The following TRMT61B variants were observed in gnomAD, a reference collection of about 807,000 sequenced individuals.
TRMT61B encodes tRNA (adenine(58)-N(1))-methyltransferase, mitochondrial.
Under a neutral mutation model 52.0 loss-of-function variants are expected in TRMT61B, and 56 were observed. The ratio of observed to expected loss-of-function variants is 1.08; its 90% CI spans 0.87 to 1.35. The LOEUF is 1.35. Among genes scored for constraint, TRMT61B ranks in the 40% most tolerant of loss-of-function variants. TRMT61B has a pLI of 0.00. For missense variants in TRMT61B, 650 were observed against 577.9 expected (o/e 1.12, Z -1.28); for synonymous variants, 206 against 220.0 (o/e 0.94, Z 0.56).
chr2:28,862,864 TTGTGTG>T (rs34139201), intron 2 of TRMT61B, among the ~76,000 whole-genome samples: 2,629 of 143,812 alleles, frequency 0.018, 67 homozygotes, highest in African/African-American at 0.056. Flanking sequence ...GTATTTGTAT[TTGTGTG>T]TGTGTGTGTG....
chr2:28,864,321 G>A (rs1188009869), intron 2 of TRMT61B, among the ~76,000 whole-genome samples: 1 of 152,006 alleles, frequency 6.6e-6, no homozygotes, highest in African/African-American at 2.4e-5. Flanking sequence ...AAGTACACAA[G>A]GAGGTTCCAA....
Position 28,869,875 on chromosome 2 carries a change from C to A in TRMT61B, c.403G>T (p.Glu135Ter). 6.2e-7 allele frequency: 1 copy of A among 1,614,164 alleles called. No homozygotes were observed. ...CAAGAAGGGGAGACGTGACGCTCTTCGACCTCGGTAGCGGACTGGGCCTGC... is the reference window on the plus strand; with the variant it reads ...CAAGAAGGGGAGACGTGACGCTCTTAGACCTCGGTAGCGGACTGGGCCTGC... The part of the protein sequence containing the change: ...LSQAQSATEV[E>*]ERHVSPSCST... The change falls in exon 1 of 7, where the codon GAA becomes TAA. Residue 135 changes from glutamate (E) to a stop codon, truncating the protein, a stop_gained. Transcript: ENST00000306108. LOFTEE classifies it high-confidence loss of function.
chr2:28,851,275 A>G lies in TRMT61B; in HGVS notation c.1109T>C (p.Leu370Ser), dbSNP rs150890124. ...AAGTTCACAGGTGCGAATTCCATCTAAAAGTTCAATAACCTGTGTGATGCT... is the reference window on the plus strand; with the variant it reads ...AAGTTCACAGGTGCGAATTCCATCTGAAAGTTCAATAACCTGTGTGATGCT... ...VVNITQVIEL[L>S]DGIRTCELAL... Residue 370 changes from leucine (L) to serine (S), a missense_variant, in exon 5 of 7, where the codon TTA becomes TCA. By Grantham distance (145) the Leu-to-Ser change is moderately radical. Coordinates refer to ENST00000306108, the MANE Select transcript of TRMT61B (RefSeq NM_017910.4). 5,962 of 1,612,794 alleles carry G rather than the reference A, an allele frequency of 3.7e-3. 22 individuals are homozygous for G. Among genetic ancestry groups the G allele is most frequent in the Non-Finnish European group, 4.7e-3 (5,573 of 1,179,422 alleles).
chr2:28,850,453 A>T (rs1558336550), intron 5 of TRMT61B, 48 bp from the exon 6 acceptor site: 3 of 1,284,646 alleles, frequency 2.3e-6, no homozygotes, highest in East Asian at 4.9e-5. Flanking sequence ...AATATTTTCT[A>T]TTTTTTTCAC....
In TRMT61B at chr2:28,870,091, C is replaced by T. The variant is rs1157351015; in HGVS notation, c.187G>A (p.Gly63Arg). 3 of 1,613,900 alleles carry T rather than the reference C, an allele frequency of 1.9e-6. No homozygotes were observed. Among genetic ancestry groups the T allele is most frequent in the Non-Finnish European group, 2.5e-6 (3 of 1,180,014 alleles). Residue 63 changes from glycine to arginine, a missense_variant, in exon 1 of 7, where the codon GGA (glycine) becomes AGA (arginine). Gly to Arg is a moderately radical substitution (Grantham distance 125). Coordinates refer to ENST00000306108, the MANE Select transcript of TRMT61B (RefSeq NM_017910.4). ...GGGAGAGATGGGCAAGACTCTGCTC[C>T]TGGGGCTTTCCTTTGTGCCGCCTCG... is the stretch of plus-strand genomic sequence containing the variant. ...EHEAAQRKAP[G>R]AESCPSLPLS...
chr2:28,861,026 C>A, intron 3 of TRMT61B, 92 bp downstream of exon 3: 1 of 1,080,566 alleles, frequency 9.3e-7, no homozygotes, highest in Non-Finnish European at 1.3e-6. Flanking sequence ...ATGAAGCAAA[C>A]GAAGGAAGAC....
At chr2:28,852,785 C>CT (rs886339055) in intron 3 of TRMT61B, among the ~76,000 whole-genome samples, 2 of 151,426 alleles carry the variant, frequency 1.3e-5, no homozygotes, top group Non-Finnish European at 2.9e-5. Context: ...TAGCGAGACT[C>CT]TGACTCTATT....
chr2:28,863,444 A>T (rs1436610139), intron 2 of TRMT61B, among the ~76,000 whole-genome samples: 1 of 151,896 alleles, frequency 6.6e-6, no homozygotes, highest in African/African-American at 2.4e-5. Context: ...AAAAAAAAAA[A>T]AGTAACATAA....
At chr2:28,850,456 T>A in intron 5 of TRMT61B, 51 bp from the exon 6 acceptor site, 7 of 1,264,526 alleles carry the variant, frequency 5.5e-6, no homozygotes, top group Non-Finnish European at 7.8e-6. Context: ...ATTTTCTATT[T>A]TTTTCACAAA....
chr2:28,862,835 T>TA (rs11325074), intron 2 of TRMT61B, among the ~76,000 whole-genome samples: 8 of 144,958 alleles, frequency 5.5e-5, no homozygotes, highest in African/African-American at 1.8e-4. Flanking sequence ...TACCAAAAAA[T>TA]AAAAAAAAAA....
In TRMT61B at chr2:28,851,255, C is replaced by T. The variant is rs148229061; in HGVS notation, c.1129G>A (p.Glu377Lys). The T allele has an allele frequency of 1.1e-3, 1,730 of 1,613,662 alleles. 2 individuals are homozygous for T. Among genetic ancestry groups the T allele is most frequent in the Non-Finnish European group, 1.4e-3 (1,671 of 1,179,838 alleles). Residue 377 changes from glutamate (E) to lysine (K), a missense_variant, in exon 5 of 7, where the codon GAA becomes AAA. Transcript: ENST00000306108. ...ATCTTTTCACATGAAAGAGCAAGTTCACAGGTGCGAATTCCATCTAAAAGT... is the reference window on the plus strand; with the variant it reads ...ATCTTTTCACATGAAAGAGCAAGTTTACAGGTGCGAATTCCATCTAAAAGT... ...IELLDGIRTCELALSCEKISE... is the reference protein window; with the variant it reads ...IELLDGIRTCKLALSCEKISE...
chr2:28,863,895 G>C (rs1669716599), intron 2 of TRMT61B, among the ~76,000 whole-genome samples: 1 of 152,032 alleles, frequency 6.6e-6, no homozygotes, highest in Non-Finnish European at 1.5e-5. Context: ...TATTATGTAG[G>C]GAAGAGAACA....
At chr2:28,869,197 T>C (rs1669974695) in intron 1 of TRMT61B, among the ~76,000 whole-genome samples, 1 of 152,216 alleles carries the variant, frequency 6.6e-6, no homozygotes, top group Non-Finnish European at 1.5e-5. Flanking sequence ...ATCATCATAG[T>C]AGTACTAAAA....
At chr2:28,856,579 T>C (rs1669350418) in intron 3 of TRMT61B, among the ~76,000 whole-genome samples, 1 of 152,204 alleles carries the variant, frequency 6.6e-6, no homozygotes, top group African/African-American at 2.4e-5. Context: ...TGGTGTTTTA[T>C]ACTTCTGAGT....
intron 1 of TRMT61B, 30 bp downstream of exon 1, chr2:28,869,549 C>A (rs1198757196): frequency 6.6e-7 from 1 of 1,521,070 alleles, no homozygotes; most frequent in Non-Finnish European, 9.0e-7. Flanking sequence ...CCTCCTGAAA[C>A]CAATACACAC....
intron 2 of TRMT61B, among the ~76,000 whole-genome samples, chr2:28,862,864 TTGTGTGTG>T (rs34139201): frequency 3.0e-4 from 43 of 144,028 alleles, no homozygotes; most frequent in South Asian, 6.9e-4. Context: ...GTATTTGTAT[TTGTGTGTG>T]TGTGTGTGTG....
intron 3 of TRMT61B, 51 bp from the exon 4 acceptor site, chr2:28,852,550 G>T: frequency 8.2e-7 from 1 of 1,225,446 alleles, no homozygotes; most frequent in Non-Finnish European, 1.2e-6. Flanking sequence ...TTTAAATAAA[G>T]CATAAGTTTT....
At position 28,870,239 on chromosome 2, in the gene TRMT61B, G is replaced by A. The variant is rs370907208; in HGVS notation, c.39C>T (p.Cys13=). 2.9e-5 allele frequency: 46 copies of A among 1,608,740 alleles called. No homozygotes were observed. Among genetic ancestry groups the A allele is most frequent in the African/African-American group, 2.0e-4 (15 of 74,974 alleles). Residue 13 remains cysteine (C), a synonymous_variant, in exon 1 of 7, where the codon TGC becomes TGT. Transcript: ENST00000306108. The part of the protein sequence containing the change: ...MAWCRGPVLL[C]LRQGLGTNSF... ...AATTGGTTCCGAGCCCCTGCCGCAG[G>A]CACAGCAAGACAGGACCGCGGCACC...
In TRMT61B at chr2:28,861,249, T is replaced by G. The variant is rs762923284; in HGVS notation, c.862A>C (p.Lys288Gln). ...TCACGCCAGTGTTTGTAATTCTTCT[T>G]AGCCAGATCATGGTGGTCTTTTCGT... Reference protein sequence around the residue: ...EVRKDHHDLAKKNYKHWRDSW... With the variant: ...EVRKDHHDLAQKNYKHWRDSW... The change falls in exon 3 of 7, where the codon AAG (lysine) becomes CAG (glutamine). Residue 288 changes from lysine to glutamine, a missense_variant. Transcript: ENST00000306108. 6.2e-7 allele frequency: 1 copy of G among 1,613,368 alleles called. No homozygotes were observed. The highest frequency in any genetic ancestry group is 1.7e-5 in the Admixed American group (1 of 59,838).
Sources: gnomAD v4.1 joint callset for allele counts (sites outside exome capture counted in the v4.1 genomes callset) on GRCh38, gnomAD v4.1.1 for gene constraint, MANE v1.5 for transcripts, NCBI Gene and HGNC (gene_info 2026-07-23, HGNC 2026-07-21) for gene names.